The following ASH1L variants were observed in gnomAD, a reference collection of about 807,000 sequenced individuals.
The protein encoded by ASH1L is histone-lysine N-methyltransferase ASH1L.
ASH1L carries 23 observed loss-of-function variants against 269.0 expected under a neutral mutation model. The observed-to-expected ratio is 0.09, with a 90% CI of 0.06 to 0.12. The LOEUF is 0.12. ASH1L is among the 10% of genes least tolerant of loss of function. The pLI, the probability that ASH1L is intolerant of heterozygous loss-of-function variation, is 1.00. For synonymous variants in ASH1L, 1,187 were observed against 1,253.5 expected (o/e 0.95, Z 1.12); for missense variants, 2,912 against 3,567.8 (o/e 0.82, Z 4.68).
chr1:155,532,323 T>G (rs560554611), intron 1 of ASH1L, among the ~76,000 whole-genome samples: 1 of 152,256 alleles, frequency 6.6e-6, no homozygotes, highest in South Asian at 2.1e-4. Context: ...AAAAGGAAAT[T>G]ACTAATTATA....
At chr1:155,501,928 T>A (rs891170500) in intron 2 of ASH1L, among the ~76,000 whole-genome samples, 1 of 152,116 alleles carries the variant, frequency 6.6e-6, no homozygotes, top group Non-Finnish European at 1.5e-5. Flanking sequence ...CCCAAAATGC[T>A]GGGATTACAG....
chr1:155,466,824 T>A (rs1664735640), intron 3 of ASH1L, among the ~76,000 whole-genome samples: 1 of 152,204 alleles, frequency 6.6e-6, no homozygotes, highest in Non-Finnish European at 1.5e-5. Flanking sequence ...GTTGCATAGG[T>A]GTGTCTTATA....
rs557443043 is a variant in ASH1L at position 155,433,217 on chromosome 1, C to T, written c.5828+5110G>A. The T allele has an allele frequency of 1.6e-3, 2,514 of 1,548,394 alleles. 3 individuals carry two copies. The highest frequency in any genetic ancestry group is 2.0e-3 in the Non-Finnish European group (2,287 of 1,145,966). ...CTGGCTTCGGATGCCTGCCTTCTTG[C>T]CCCCTCCAGGCGGTGGAGGTGATGG... On this transcript the variant is annotated intron_variant, in intron 5 of 27. Coordinates refer to ENST00000392403, the MANE Select transcript of ASH1L (RefSeq NM_018489.3).
chr1:155,401,274 C>G (rs1558066058), intron 6 of ASH1L, among the ~76,000 whole-genome samples: 1 of 151,194 alleles, frequency 6.6e-6, no homozygotes, highest in Non-Finnish European at 1.5e-5. Context: ...GTCAGGAGTT[C>G]AAAACCAGCC....
At chr1:155,508,041 C>T (rs1195744207) in intron 2 of ASH1L, among the ~76,000 whole-genome samples, 1 of 149,876 alleles carries the variant, frequency 6.7e-6, no homozygotes, top group Non-Finnish European at 1.5e-5. Context: ...AAATGAACTA[C>T]AATCACGTAT....
intron 1 of ASH1L, among the ~76,000 whole-genome samples, chr1:155,548,989 G>T (rs1671014442): frequency 1.3e-5 from 2 of 152,194 alleles, no homozygotes. Context: ...AGGGGCAGGG[G>T]TGGAAGAAAA....
chr1:155,384,490 TG>T (rs200441017), intron 7 of ASH1L, among the ~76,000 whole-genome samples: 3 of 145,524 alleles, frequency 2.1e-5, no homozygotes, highest in African/African-American at 7.5e-5. Flanking sequence ...GGTTTTTTTT[TG>T]TTTTTTTTAT....
At chr1:155,468,027 G>C (rs1279998879) in intron 3 of ASH1L, among the ~76,000 whole-genome samples, 2 of 151,952 alleles carry the variant, frequency 1.3e-5, no homozygotes, top group Non-Finnish European at 1.5e-5. Context: ...CAAAATTCCA[G>C]ACTTTGTTTA....
intron 5 of ASH1L, among the ~76,000 whole-genome samples, chr1:155,416,167 G>C (rs1660192339): frequency 6.6e-6 from 1 of 151,876 alleles, no homozygotes; most frequent in African/African-American, 2.4e-5. Flanking sequence ...ATCTTTCTCT[G>C]TCACCCAGGC....
At chr1:155,558,851 C>CT (rs1227615811) in intron 1 of ASH1L, among the ~76,000 whole-genome samples, 5,366 of 136,086 alleles carry the variant, frequency 0.039, 291 homozygotes, top group African/African-American at 0.12. Flanking sequence ...TTTTTCTTTT[C>CT]TTTTTTTTTT....
At chr1:155,387,358 C>G (rs1295980381) in intron 7 of ASH1L, among the ~76,000 whole-genome samples, 1 of 152,302 alleles carries the variant, frequency 6.6e-6, no homozygotes, top group East Asian at 1.9e-4. Context: ...TATGGCTAAC[C>G]AGTTATCCCA....
In ASH1L at chr1:155,482,111, C is replaced by A; in HGVS notation, c.759G>T (p.Leu253Phe). The A allele has an allele frequency of 6.2e-7, 1 of 1,614,084 alleles. No individual in the cohort carries two copies. Among genetic ancestry groups the A allele is most frequent in the Non-Finnish European group, 8.5e-7 (1 of 1,179,996 alleles). ...GTTAGLVSKD[L>F]IRKAGVGSVA... is the part of the protein sequence containing the mutation. ...CAGAGCCAACACCTGCTTTCCTGATCAAATCCTTGCTAACCAATCCTGCTG... is the reference window on the plus strand; with the variant it reads ...CAGAGCCAACACCTGCTTTCCTGATAAAATCCTTGCTAACCAATCCTGCTG... Residue 253 changes from leucine to phenylalanine, a missense_variant, in exon 3 of 28, where the codon TTG becomes TTT. Transcript: ENST00000392403.
intron 4 of ASH1L, among the ~76,000 whole-genome samples, chr1:155,440,182 C>T (rs960044627): frequency 6.6e-6 from 1 of 151,974 alleles, no homozygotes; most frequent in African/African-American, 2.4e-5. Context: ...GTTTCCTGTA[C>T]CCGTAGTCCT....
In ASH1L at chr1:155,481,924, A is replaced by G; in HGVS notation, c.946T>C (p.Phe316Leu). 6.2e-7 allele frequency: 1 copy of G among 1,614,194 alleles called. No homozygotes were observed. The highest frequency in any genetic ancestry group is 8.5e-7 in the Non-Finnish European group (1 of 1,180,044). The change falls in exon 3 of 28, where the codon TTC (phenylalanine) becomes CTC (leucine). Residue 316 changes from phenylalanine to leucine, a missense_variant. Phe to Leu is a conservative substitution (Grantham distance 22). Coordinates refer to ENST00000392403, the MANE Select transcript of ASH1L (RefSeq NM_018489.3). ...TTTTTGCCTAAGTTTTTATTAATGA[A>G]TACCGCTGTAGTGCCAGTTCCCAGT... ...KKLGTGTTAV[F>L]INKNLGKKPG...
intron 5 of ASH1L, among the ~76,000 whole-genome samples, chr1:155,428,355 T>C (rs951976829): frequency 5.9e-5 from 9 of 152,024 alleles, no homozygotes; most frequent in Admixed American, 2.6e-4. Context: ...GGCAGGAGAA[T>C]TGCTTGAACC....
intron 1 of ASH1L, among the ~76,000 whole-genome samples, chr1:155,532,949 G>A (rs1312182265): frequency 9.2e-5 from 11 of 119,204 alleles, no homozygotes; most frequent in East Asian, 4.7e-4. Flanking sequence ...GTGTGTGTGT[G>A]TATATATATA....
intron 13 of ASH1L, 63 bp from the exon 14 acceptor site, chr1:155,357,812 T>G: frequency 6.8e-7 from 1 of 1,467,252 alleles, no homozygotes; most frequent in Non-Finnish European, 9.1e-7. Context: ...TTCCTGTCAC[T>G]CAGGCTGAAG....
intron 2 of ASH1L, among the ~76,000 whole-genome samples, chr1:155,510,325 A>C (rs1390421509): frequency 6.6e-6 from 1 of 151,264 alleles, no homozygotes; most frequent in Non-Finnish European, 1.5e-5. Context: ...GAGGCAAGAC[A>C]AAAGCTTGAA....
rs150816470 is a variant in ASH1L, at chr1:155,370,441, C to G, written c.6686+63G>C. 222 of 1,599,590 alleles carry G rather than the reference C, an allele frequency of 1.4e-4. 1 individual carries two copies. Among genetic ancestry groups the G allele is most frequent in the Non-Finnish European group, 2.4e-5 (28 of 1,172,864 alleles). On this transcript the variant is annotated intron_variant, in intron 12 of 27. Transcript: ENST00000392403. Reference sequence around the variant, plus strand: ...GCTGACTGACACTGGAAAGATCAATCCCTTGCTGCACTCAATGCTTATTCT... The same window carrying G: ...GCTGACTGACACTGGAAAGATCAATGCCTTGCTGCACTCAATGCTTATTCT...
Sources: gnomAD v4.1 joint callset for allele counts (sites outside exome capture counted in the v4.1 genomes callset) on GRCh38, gnomAD v4.1.1 for gene constraint, MANE v1.5 for transcripts, NCBI Gene and HGNC (gene_info 2026-07-23, HGNC 2026-07-21) for gene names.